Variants in PCDHGA9 observed in about 807,000 individuals in gnomAD.
PCDHGA9 encodes protocadherin gamma-A9.
A neutral mutation model predicts 62.5 loss-of-function variants in PCDHGA9; 37 were observed. That is an observed-to-expected ratio of 0.59 (90% confidence interval 0.46 to 0.78). The LOEUF is 0.78. Ranked by LOEUF, PCDHGA9 falls within the 30% of genes least tolerant of loss-of-function variation. The pLI is 0.00. For synonymous variants in PCDHGA9, 459 were observed against 484.6 expected (o/e 0.95, Z 0.69); for missense variants, 1,138 against 1,166.2 (o/e 0.98, Z 0.35).
rs563283218 is a variant in PCDHGA9, at chr5:141,431,573, G to A, written c.2424+26197G>A. On this transcript the variant is annotated intron_variant, in intron 1 of 3. Coordinates refer to ENST00000573521, the MANE Select transcript of PCDHGA9 (RefSeq NM_018921.3). This position sits in a 1 kb window ranked among gnomAD's most constrained non-coding sequence, Gnocchi z 4.8. ...AGTCAACGCTACCGACCCTGACGAA[G>A]GAGTCAATGCGGAAGTGAGGTATTC... 5.6e-6 allele frequency: 9 copies of A among 1,614,186 alleles called. No homozygotes were observed. The South Asian group carries it at 8.8e-5, about 16-fold the overall frequency.
At chr5:141,447,082 T>C (rs1259827606) in intron 1 of PCDHGA9, among the ~76,000 whole-genome samples, 3 of 152,156 alleles carry the variant, frequency 2.0e-5, no homozygotes, top group Non-Finnish European at 2.9e-5. Context: ...ATTTTTGTTG[T>C]TTAATTTTCT....
intron 1 of PCDHGA9, among the ~76,000 whole-genome samples, chr5:141,433,752 G>A (rs975941520): frequency 6.6e-6 from 1 of 151,206 alleles, no homozygotes; most frequent in Non-Finnish European, 1.5e-5. Context: ...CAGGAGAATT[G>A]CTTTAACCTG....
intron 1 of PCDHGA9, among the ~76,000 whole-genome samples, chr5:141,443,787 A>C (rs957552086): frequency 3.3e-5 from 5 of 152,222 alleles, no homozygotes; most frequent in African/African-American, 1.2e-4. Flanking sequence ...AAGACAAAAA[A>C]AATGAAAAGG....
chr5:141,449,154 A>G (rs2098630387), intron 1 of PCDHGA9, among the ~76,000 whole-genome samples: 1 of 152,180 alleles, frequency 6.6e-6, no homozygotes, highest in African/African-American at 2.4e-5. Flanking sequence ...TGGGTCAAAG[A>G]GGAAATAGGT....
chr5:141,447,299 C>A (rs543731556), intron 1 of PCDHGA9, among the ~76,000 whole-genome samples: 38 of 152,102 alleles, frequency 2.5e-4, no homozygotes, highest in Middle Eastern at 6.8e-3. Context: ...GCCACCACAC[C>A]CGGCTAATTT....
Position 141,418,806 on chromosome 5 carries a change from C to T in PCDHGA9, c.2424+13430C>T, listed in dbSNP as rs200530054. The T allele has an allele frequency of 3.0e-5, 49 of 1,613,694 alleles. No individual in the cohort carries two copies. In the African/African-American group the frequency reaches 5.9e-4, roughly 19 times the overall value. On this transcript the variant is annotated intron_variant, in intron 1 of 3. Transcript: ENST00000573521. ...GATTTTGAAGAAGTAGAAAGATATA[C>T]GATAAACATAGAAGCAAAAGACCGA...
chr5:141,487,455 A>G lies in PCDHGA9; in HGVS notation c.2425-7352A>G, dbSNP rs751456631. 6.2e-7 allele frequency: 1 copy of G among 1,614,122 alleles called. No individual in the cohort carries two copies. The highest frequency in any genetic ancestry group is 8.5e-7 in the Non-Finnish European group (1 of 1,180,032). On this transcript the variant is annotated intron_variant, in intron 1 of 3. Coordinates refer to ENST00000573521, the MANE Select transcript of PCDHGA9 (RefSeq NM_018921.3). The surrounding 1 kb of genome is among the most constrained non-coding windows in gnomAD (Gnocchi z 5.0). ...CAGCTAGGGTCAGATGACCCTATCA[A>G]GTTTGTTGATGTGGGAGGCCACTCT...
At chr5:141,406,836 TC>T (rs2094857566) in intron 1 of PCDHGA9, among the ~76,000 whole-genome samples, 1 of 152,232 alleles carries the variant, frequency 6.6e-6, no homozygotes, top group Non-Finnish European at 1.5e-5. Context: ...AACTTGCATA[TC>T]AGATATAATT....
intron 1 of PCDHGA9, chr5:141,415,704 T>G: frequency 7.4e-7 from 1 of 1,344,464 alleles, no homozygotes; most frequent in Non-Finnish European, 1.0e-6. Flanking sequence ...GTGTAAATGC[T>G]AAAACACTGA....
intron 1 of PCDHGA9, chr5:141,417,759 C>T: frequency 7.0e-7 from 1 of 1,437,100 alleles, no homozygotes; most frequent in South Asian, 1.5e-5. Flanking sequence ...AGCTCCGAGA[C>T]CCGGGACTCC....
chr5:141,422,338 A>C, intron 1 of PCDHGA9: 1 of 1,550,090 alleles, frequency 6.5e-7, no homozygotes, highest in Non-Finnish European at 8.7e-7. Flanking sequence ...TGCTCTTCTA[A>C]ATGTGCAAGA....
At chr5:141,419,318 G>A in intron 1 of PCDHGA9, 1 of 1,613,992 alleles carries the variant, frequency 6.2e-7, no homozygotes, top group Non-Finnish European at 8.5e-7. Flanking sequence ...CAACGGCCGT[G>A]TCTCCTACTC....
At chr5:141,499,244 CAA>C (rs1191956146) in intron 2 of PCDHGA9, among the ~76,000 whole-genome samples, 1 of 152,090 alleles carries the variant, frequency 6.6e-6, no homozygotes, top group Non-Finnish European at 1.5e-5. Flanking sequence ...AGCCTCTGCA[CAA>C]AGAGTCTCCA....
chr5:141,423,095 A>ACG (rs2096709208), intron 1 of PCDHGA9: 4 of 1,613,860 alleles, frequency 2.5e-6, no homozygotes, highest in African/African-American at 2.7e-5. Flanking sequence ...GTGGGGGAGC[A>ACG]CACGGGCGAG....
In PCDHGA9 at chr5:141,431,377, T is replaced by A; in HGVS notation, c.2424+26001T>A. 1 of 1,613,426 alleles carries A rather than the reference T, an allele frequency of 6.2e-7. No individual in the cohort carries two copies. Among genetic ancestry groups the A allele is most frequent in the Non-Finnish European group, 8.5e-7 (1 of 1,179,558 alleles). ...GCGCCCTGGACCGCGAAGAAAAGGC[T>A]GCTCACCACCTGGTCCTTACGGCCT... is the stretch of plus-strand genomic sequence containing the variant. On this transcript the variant is annotated intron_variant, in intron 1 of 3. Coordinates refer to ENST00000573521, the MANE Select transcript of PCDHGA9 (RefSeq NM_018921.3). This position sits in a 1 kb window ranked among gnomAD's most constrained non-coding sequence, Gnocchi z 4.8.
rs751805838 is a variant in PCDHGA9, at chr5:141,409,319, G to T, written c.2424+3943G>T. 3 of 1,613,988 alleles carry T rather than the reference G, an allele frequency of 1.9e-6. No homozygotes were observed. The Admixed American group carries it at 5.0e-5, about 27-fold the overall frequency. ...GGTTGTTGCCCTCTTCAAAACACGG[G>T]ATCTGGATTTCGGAGGAAATGGAGA... is the stretch of plus-strand genomic sequence containing the variant. On this transcript the variant is annotated intron_variant, in intron 1 of 3. Coordinates refer to ENST00000573521, the MANE Select transcript of PCDHGA9 (RefSeq NM_018921.3).
In PCDHGA9 at chr5:141,419,061, A is replaced by G. The variant is rs747692559; in HGVS notation, c.2424+13685A>G. 5.0e-6 allele frequency: 8 copies of G among 1,613,964 alleles called. No homozygotes were observed. In the Admixed American group the frequency reaches 1.3e-4, roughly 27 times the overall value. ...AAGATTCATTCTTCTTCTAATAATT[A>G]CTACAAGCTAGTAACAGATGAGGCC... On this transcript the variant is annotated intron_variant, in intron 1 of 3. Transcript: ENST00000573521.
Position 141,432,484 on chromosome 5 carries a change from G to A in PCDHGA9, c.2424+27108G>A, listed in dbSNP as rs1164877592. On this transcript the variant is annotated intron_variant, in intron 1 of 3. Transcript: ENST00000573521. The surrounding 1 kb of genome is among the most constrained non-coding windows in gnomAD (Gnocchi z 6.0). ...TCCCCACGGACGGTTCCACTGGCGTGGAGCTGGCTCCCCGCTCCGCAGAGC... is the reference window on the plus strand; with the variant it reads ...TCCCCACGGACGGTTCCACTGGCGTAGAGCTGGCTCCCCGCTCCGCAGAGC... 8.7e-6 allele frequency: 14 copies of A among 1,614,196 alleles called. No individual in the cohort carries two copies. Among genetic ancestry groups the A allele is most frequent in the Non-Finnish European group, 1.2e-5 (14 of 1,180,046 alleles).
chr5:141,436,068 T>A (rs1343785335), intron 1 of PCDHGA9, among the ~76,000 whole-genome samples: 1 of 152,190 alleles, frequency 6.6e-6, no homozygotes, highest in Non-Finnish European at 1.5e-5. Flanking sequence ...ATTTAATAAG[T>A]ACAGTGTTCT....
Sources: gnomAD v4.1 joint callset for allele counts (sites outside exome capture counted in the v4.1 genomes callset) on GRCh38, gnomAD v4.1.1 for gene constraint, Gnocchi (gnomAD v3.1) non-coding constraint, MANE v1.5 for transcripts, NCBI Gene and HGNC (gene_info 2026-07-23, HGNC 2026-07-21) for gene names.